The following BSN variants were observed in gnomAD, a reference collection of about 807,000 sequenced individuals.
BSN encodes the protein bassoon presynaptic cytomatrix protein.
In BSN, 57 loss-of-function variants were observed where a neutral mutation model predicts 264.8. The ratio of observed to expected loss-of-function variants is 0.22; its 90% CI spans 0.17 to 0.27. The LOEUF is 0.27. BSN is among the 10% of genes least tolerant of loss of function. BSN has a pLI of 1.00. For missense variants in BSN, 4,615 were observed against 5,232.5 expected (o/e 0.88, Z 3.64); for synonymous variants, 2,059 against 2,137.3 (o/e 0.96, Z 1.01).
At chr3:49,566,417 T>G (rs538551955) in intron 1 of BSN, among the ~76,000 whole-genome samples, 4 of 152,322 alleles carry the variant, frequency 2.6e-5, no homozygotes, top group African/African-American at 9.6e-5. Flanking sequence ...AACACTTCAT[T>G]GGTATTGTGT....
At chr3:49,597,283 C>G (rs1459378639) in intron 1 of BSN, among the ~76,000 whole-genome samples, 1 of 152,116 alleles carries the variant, frequency 6.6e-6, no homozygotes, top group Non-Finnish European at 1.5e-5. Flanking sequence ...CCTACCAGCT[C>G]AAATGTAGGA....
intron 2 of BSN, among the ~76,000 whole-genome samples, chr3:49,639,508 C>T (rs1008302412): frequency 1.3e-5 from 2 of 152,186 alleles, no homozygotes; most frequent in African/African-American, 4.8e-5. Context: ...TGCCTTGCTT[C>T]TTAAAAAGCA....
At chr3:49,598,083 A>G (rs1269249542) in intron 1 of BSN, among the ~76,000 whole-genome samples, 2 of 152,266 alleles carry the variant, frequency 1.3e-5, no homozygotes, top group Non-Finnish European at 1.5e-5. Context: ...CTTTGAACAT[A>G]TTTGTAATTG....
chr3:49,605,490 ATT>A (rs1411623118), intron 1 of BSN, among the ~76,000 whole-genome samples: 3 of 8,484 alleles, frequency 3.5e-4, no homozygotes, highest in African/African-American at 1.5e-3. Context: ...TATAATATAT[ATT>A]ATATATAATA....
In BSN at chr3:49,655,087, C is replaced by A. The variant is rs150712047; in HGVS notation, c.5531C>A (p.Ala1844Asp). 51 of 1,612,774 alleles carry A rather than the reference C, an allele frequency of 3.2e-5. No homozygotes were observed. The African/African-American group carries it at 5.9e-4, about 19-fold the overall frequency. The change falls in exon 5 of 12, where the codon GCC becomes GAC. Residue 1844 changes from alanine to aspartate, a missense_variant. Ala to Asp is a moderately radical substitution (Grantham distance 126, BLOSUM62 -2). Transcript: ENST00000296452. ...VPEPGAEPHRATPAELRSHAL... is the reference protein window; with the variant it reads ...VPEPGAEPHRDTPAELRSHAL... Reference sequence around the variant, plus strand: ...GAGCCAGGTGCCGAGCCCCACCGGGCCACCCCTGCAGAGCTGCGGTCACAT... The same window carrying A: ...GAGCCAGGTGCCGAGCCCCACCGGGACACCCCTGCAGAGCTGCGGTCACAT...
chr3:49,643,115 A>G lies in BSN; in HGVS notation c.1481A>G (p.Asn494Ser). 3 of 1,612,620 alleles carry G rather than the reference A, an allele frequency of 1.9e-6. No homozygotes were observed. The highest frequency in any genetic ancestry group is 1.1e-5 in the South Asian group (1 of 91,052). ...ACCACCTGCAGGCTCCAGGTGTGCA[A>G]CCTGTGTGGCTTCAACCCAACACCC... is the stretch of plus-strand genomic sequence containing the variant. ...TCTTCRLQVC[N>S]LCGFNPTPHL... Residue 494 changes from asparagine to serine, a missense_variant, in exon 3 of 12, where the codon AAC becomes AGC. Physicochemically the swap from Asn to Ser is conservative, Grantham distance 46 (BLOSUM62 1). Transcript: ENST00000296452.
At chr3:49,630,186 C>T (rs905811420) in intron 2 of BSN, among the ~76,000 whole-genome samples, 1 of 152,250 alleles carries the variant, frequency 6.6e-6, no homozygotes, top group African/African-American at 2.4e-5. Context: ...GCCACCTGGG[C>T]CAGAGAGGAA....
intron 1 of BSN, among the ~76,000 whole-genome samples, chr3:49,605,887 AATATATTTATGTCT>A (rs1293761906): frequency 1.3e-5 from 1 of 74,230 alleles, no homozygotes; most frequent in Non-Finnish European, 2.3e-5. Context: ...TATAGATATA[AATATATTTATGTCT>A]ATATAAATAG....
At chr3:49,598,831 CAAATA>C (rs1438333368) in intron 1 of BSN, among the ~76,000 whole-genome samples, 1 of 151,462 alleles carries the variant, frequency 6.6e-6, no homozygotes, top group Non-Finnish European at 1.5e-5. Context: ...TGCAATAAGG[CAAATA>C]AAATAAGAAA....
chr3:49,558,965 C>T (rs1373337975), intron 1 of BSN, among the ~76,000 whole-genome samples: 1 of 152,126 alleles, frequency 6.6e-6, no homozygotes, highest in Non-Finnish European at 1.5e-5. Context: ...CTTGCTCTGT[C>T]GCCCAGGCTG....
intron 1 of BSN, among the ~76,000 whole-genome samples, chr3:49,598,536 A>G (rs1329471533): frequency 1.3e-5 from 2 of 152,180 alleles, no homozygotes; most frequent in Non-Finnish European, 2.9e-5. Context: ...GCCTCAAGCA[A>G]TCCTCCTGCC....
At chr3:49,606,188 T>A (rs56321226) in intron 1 of BSN, among the ~76,000 whole-genome samples, 2 of 25,434 alleles carry the variant, frequency 7.9e-5, no homozygotes, top group Non-Finnish European at 1.3e-4. Flanking sequence ...TGTATATATA[T>A]TATATATACA....
chr3:49,576,911 G>T (rs182058065), intron 1 of BSN, among the ~76,000 whole-genome samples: 17 of 152,164 alleles, frequency 1.1e-4, no homozygotes, highest in Non-Finnish European at 2.5e-4. Context: ...TATGCTGCCT[G>T]TGTCCCTTCA....
At chr3:49,621,015 G>A (rs922233357) in intron 1 of BSN, among the ~76,000 whole-genome samples, 4 of 152,176 alleles carry the variant, frequency 2.6e-5, no homozygotes, top group Non-Finnish European at 5.9e-5. Context: ...GGAGTAGGTA[G>A]TAGTGGCCAG....
At chr3:49,590,331 C>T (rs905153955) in intron 1 of BSN, among the ~76,000 whole-genome samples, 1 of 149,202 alleles carries the variant, frequency 6.7e-6, no homozygotes, top group African/African-American at 2.6e-5. Flanking sequence ...TTAAAAAAAA[C>T]AAATCTGATA....
chr3:49,594,773 C>T (rs2052008122), intron 1 of BSN, among the ~76,000 whole-genome samples: 2 of 152,070 alleles, frequency 1.3e-5, no homozygotes, highest in African/African-American at 4.8e-5. Flanking sequence ...GAAGAATGAA[C>T]ATCTTTTCTA....
At chr3:49,592,660 A>T (rs1469531746) in intron 1 of BSN, among the ~76,000 whole-genome samples, 4 of 150,978 alleles carry the variant, frequency 2.6e-5, no homozygotes, top group Admixed American at 2.0e-4. Flanking sequence ...CTGAGGCAGG[A>T]GAATGGTGTG....
rs1347161375 is a variant in BSN at position 49,656,930 on chromosome 3, G to A, written c.7374G>A (p.Leu2458=). The A allele has an allele frequency of 6.3e-7, 1 of 1,598,064 alleles. No individual in the cohort carries two copies. Among genetic ancestry groups the A allele is most frequent in the Non-Finnish European group, 8.5e-7 (1 of 1,171,246 alleles). The part of the protein sequence containing the change: ...QRLQLEQIQQ[L]QQQLQQQLEE... ...TGCAGCTGGAGCAGATCCAGCAGCT[G>A]CAGCAGCAGCTGCAGCAGCAGCTAG... is the stretch of plus-strand genomic sequence containing the variant. The change falls in exon 5 of 12, where the codon CTG becomes CTA. Residue 2458 remains leucine (L), a synonymous_variant. Transcript: ENST00000296452.
In BSN at chr3:49,625,499, G is replaced by A. The variant is rs776797534; in HGVS notation, c.633+116G>A. ...TCCTGGTCATTTCCCTTGACCACCA[G>A]CATTTGTGTCCTCCTGCAGGGATGT... is the stretch of plus-strand genomic sequence containing the variant. On this transcript the variant is annotated intron_variant, in intron 2 of 11. Transcript: ENST00000296452. The surrounding 1 kb of genome is among the most constrained non-coding windows in gnomAD (Gnocchi z 4.4). 20 of 1,071,682 alleles carry A rather than the reference G, an allele frequency of 1.9e-5. No homozygotes were observed. The highest frequency in any genetic ancestry group is 2.2e-5 in the Non-Finnish European group (18 of 802,700). 66.4% of individuals were successfully genotyped at this position (1,071,682 alleles called of 1,614,324 possible).
Sources: allele counts gnomAD v4.1 joint callset (sites outside exome capture counted in the v4.1 genomes callset), GRCh38; gene constraint gnomAD v4.1.1; non-coding constraint Gnocchi (gnomAD v3.1); transcripts MANE v1.5; gene names NCBI Gene and HGNC (gene_info 2026-07-23, HGNC 2026-07-21).